The following KCNJ16 variants were observed in gnomAD, a reference collection of about 807,000 sequenced individuals.
KCNJ16 encodes potassium inwardly rectifying channel subfamily J member 16, also known as inward rectifier potassium channel 16.
In KCNJ16, 15 loss-of-function variants were observed where a neutral mutation model predicts 18.5. The observed-to-expected ratio is 0.81, with a 90% confidence interval of 0.54 to 1.25. KCNJ16 has a LOEUF of 1.25. KCNJ16 is among the 50% of genes most tolerant of loss of function. The probability of loss-of-function intolerance (pLI) is 0.00; values close to 1 mark genes in which losing one functional copy is unlikely to be tolerated. For synonymous variants in KCNJ16, 174 were observed against 186.5 expected, an observed-to-expected ratio of 0.93 and a Z score of 0.55; for missense variants, 523 against 525.7, an observed-to-expected ratio of 0.99 and a Z score of 0.05.
At position 70,132,752 on chromosome 17, in the gene KCNJ16, G is replaced by A. The variant is rs142420949; in HGVS notation, c.665G>A (p.Arg222His). 63 of 1,613,890 alleles carry A rather than the reference G, an allele frequency of 3.9e-5. No individual in the cohort carries two copies. In the African/African-American group the frequency reaches 4.8e-4, roughly 12 times the overall value. The change falls in exon 4 of 4, where the codon CGC becomes CAC. Residue 222 changes from arginine to histidine, a missense_variant. Transcript: ENST00000392671. ...VEGTVRAQLLRYTEDSEGRMT... is the reference protein window; with the variant it reads ...VEGTVRAQLLHYTEDSEGRMT... ...GGAACAGTTAGAGCCCAACTTCTCCGCTATACAGAAGACAGTGAAGGGAGG... is the reference window on the plus strand; with the variant it reads ...GGAACAGTTAGAGCCCAACTTCTCCACTATACAGAAGACAGTGAAGGGAGG...
intron 2 of KCNJ16, among the ~76,000 whole-genome samples, chr17:70,103,284 A>ATGTGTGTG (rs1426685277): frequency 2.6e-4 from 4 of 15,212 alleles, no homozygotes; most frequent in African/African-American, 1.0e-3. Context: ...TAATATGCAT[A>ATGTGTGTG]TATGTGTGTG....
intron 1 of KCNJ16, among the ~76,000 whole-genome samples, chr17:70,083,661 G>A (rs1275634057): frequency 1.3e-5 from 2 of 152,008 alleles, no homozygotes; most frequent in African/African-American, 2.4e-5. Context: ...ACTCTATGAT[G>A]TTAAAACAAC....
Position 70,132,821 on chromosome 17 carries a change from T to G in KCNJ16, c.734T>G (p.Ile245Ser). ...GACCTCAAATTAGTCAACGACCAAA[T>G]CATCCTGGTCACCCCGGTAACTATT... Reference protein sequence around the residue: ...FKDLKLVNDQIILVTPVTIVH... With the variant: ...FKDLKLVNDQSILVTPVTIVH... Residue 245 changes from isoleucine (I) to serine (S), a missense_variant, in exon 4 of 4, where the codon ATC becomes AGC. Transcript: ENST00000392671. 6.2e-7 allele frequency: 1 copy of G among 1,613,978 alleles called. No individual in the cohort carries two copies. The highest frequency in any genetic ancestry group is 8.5e-7 in the Non-Finnish European group (1 of 1,180,040).
chr17:70,109,886 T>C (rs1456572051), intron 2 of KCNJ16, among the ~76,000 whole-genome samples: 1 of 152,170 alleles, frequency 6.6e-6, no homozygotes, highest in Non-Finnish European at 1.5e-5. Context: ...TCTGCTAGCA[T>C]GGAGCTGTGA....
chr17:70,104,491 T>TA (rs1307296967), intron 2 of KCNJ16, among the ~76,000 whole-genome samples: 4 of 152,202 alleles, frequency 2.6e-5, no homozygotes, highest in African/African-American at 9.6e-5. Context: ...TAGGGTTACA[T>TA]AGTCAGACAA....
In KCNJ16 at chr17:70,130,877, A is replaced by T. The variant is rs1457767101; in HGVS notation, c.-190-2A>T. 8.4e-7 allele frequency: 1 copy of T among 1,188,674 alleles called. No individual in the cohort carries two copies. The highest frequency in any genetic ancestry group is 1.2e-6 in the Non-Finnish European group (1 of 830,792). The allele number at this position is 1,188,674 out of a possible 1,614,324, so 73.6% of individuals were successfully genotyped here. A position where few individuals can be genotyped will look rare whatever the true frequency, so the allele number is the denominator to read the frequency against. ...ACTTTTATTTTTGTTTGTTTTGCAC[A>T]GGAGTAACTCAAGATGATTTTGATG... On this transcript the variant is annotated splice_acceptor_variant, in intron 2 of 3. Coordinates refer to ENST00000392671, the MANE Select transcript of KCNJ16 (RefSeq NM_170741.4). LOFTEE classifies it low-confidence loss of function (5UTR_SPLICE).
chr17:70,077,920 C>T (rs181006138), intron 1 of KCNJ16, among the ~76,000 whole-genome samples: 2 of 152,138 alleles, frequency 1.3e-5, no homozygotes, highest in East Asian at 1.9e-4. Flanking sequence ...GAATGCTTTC[C>T]TATACAAAGA....
chr17:70,127,503 A>T lies in KCNJ16; in HGVS notation c.-190-3376A>T, dbSNP rs147525310. Among the ~76,000 whole-genome samples the T allele has an allele frequency of 3.7e-3, 561 of 152,056 alleles. 6 individuals carry two copies. Among genetic ancestry groups the T allele is most frequent in the East Asian group, 0.032 (163 of 5,164 alleles). On this transcript the variant is annotated intron_variant, in intron 2 of 3. Coordinates refer to ENST00000392671, the MANE Select transcript of KCNJ16 (RefSeq NM_170741.4). ...GCCACATAGACTAATTTGGCCTGGC[A>T]TTGTCCTAACTCTTAATACCTCTCT...
intron 1 of KCNJ16, among the ~76,000 whole-genome samples, chr17:70,086,132 TAAATATTATACAAATATTG>T (rs2071786167): frequency 6.6e-6 from 1 of 152,298 alleles, no homozygotes; most frequent in South Asian, 2.1e-4. Flanking sequence ...CAAGATAATA[TAAATATTATACAAATATTG>T]ATTTGTTAGA....
intron 2 of KCNJ16, among the ~76,000 whole-genome samples, chr17:70,120,893 C>A (rs1270918732): frequency 6.6e-6 from 1 of 152,116 alleles, no homozygotes; most frequent in Non-Finnish European, 1.5e-5. Flanking sequence ...AGTGCATTTT[C>A]TTTTATAGGA....
intron 2 of KCNJ16, among the ~76,000 whole-genome samples, chr17:70,113,626 G>C (rs964669926): frequency 1.3e-5 from 2 of 152,098 alleles, no homozygotes; most frequent in African/African-American, 4.8e-5. Context: ...TCAGTTCTTA[G>C]TTGCCCATCA....
At chr17:70,103,298 A>ATG (rs2072748188) in intron 2 of KCNJ16, among the ~76,000 whole-genome samples, 1 of 41,754 alleles carries the variant, frequency 2.4e-5, no homozygotes, top group African/African-American at 8.4e-5. Context: ...GTGTGTGTGT[A>ATG]TATATATATA....
At chr17:70,124,377 G>C (rs966349024) in intron 2 of KCNJ16, among the ~76,000 whole-genome samples, 4 of 151,974 alleles carry the variant, frequency 2.6e-5, no homozygotes, top group Admixed American at 6.6e-5. Flanking sequence ...TCTGTTTTCC[G>C]GTGCCTAAAA....
At chr17:70,121,333 G>C (rs866161107) in intron 2 of KCNJ16, among the ~76,000 whole-genome samples, 5 of 152,090 alleles carry the variant, frequency 3.3e-5, no homozygotes, top group Non-Finnish European at 5.9e-5. Flanking sequence ...ATATGTAGCC[G>C]CAGACCTTAA....
In KCNJ16 at chr17:70,118,668, C is replaced by T. The variant is rs2073511003; in HGVS notation, c.-190-12211C>T. 2.0e-5 allele frequency among the ~76,000 whole-genome samples: 3 copies of T among 151,988 alleles called. No homozygotes were observed. The South Asian group carries it at 6.2e-4, about 32-fold the overall frequency. ...AATGACTAGATCTCATAAAAACTCA[C>T]AATCGTAAAGACAGCACCAAGCCAT... On this transcript the variant is annotated intron_variant, in intron 2 of 3. Transcript: ENST00000392671.
chr17:70,124,574 T>C (rs1055924934), intron 2 of KCNJ16, among the ~76,000 whole-genome samples: 3 of 152,300 alleles, frequency 2.0e-5, no homozygotes, highest in African/African-American at 7.2e-5. Context: ...TCAGATCTCG[T>C]GTTATCTGAC....
intron 1 of KCNJ16, among the ~76,000 whole-genome samples, chr17:70,078,016 C>A (rs2071390790): frequency 1.3e-5 from 2 of 152,134 alleles, no homozygotes; most frequent in Admixed American, 1.3e-4. Flanking sequence ...GGCCTATGGA[C>A]CCTAGGCTTT....
intron 2 of KCNJ16, among the ~76,000 whole-genome samples, chr17:70,129,159 T>C (rs2073971707): frequency 1.3e-5 from 2 of 152,328 alleles, no homozygotes; most frequent in African/African-American, 4.8e-5. Flanking sequence ...CCACCATCAG[T>C]TTCTACGGAG....
chr17:70,105,335 T>C (rs1314234165), intron 2 of KCNJ16, among the ~76,000 whole-genome samples: 2 of 152,150 alleles, frequency 1.3e-5, no homozygotes, highest in African/African-American at 4.8e-5. Flanking sequence ...GAAGTAACAT[T>C]CAGAGACAGA....
Sources: gnomAD v4.1 joint callset for allele counts (sites outside exome capture counted in the v4.1 genomes callset) on GRCh38, gnomAD v4.1.1 for gene constraint, MANE v1.5 for transcripts, NCBI Gene and HGNC (gene_info 2026-07-23, HGNC 2026-07-21) for gene names.